Variants in MYBL1 observed in about 807,000 individuals in gnomAD.
MYBL1 encodes the protein myb-related protein A.
A neutral mutation model predicts 96.3 loss-of-function variants in MYBL1; 17 were observed. The ratio of observed to expected loss-of-function variants is 0.18; its 90% confidence interval spans 0.12 to 0.26. MYBL1 has a LOEUF of 0.26. MYBL1 is among the 10% of genes least tolerant of loss of function. The pLI, the probability that MYBL1 is intolerant of heterozygous loss-of-function variation, is 1.00. For missense variants in MYBL1, 701 were observed against 882.9 expected, an observed-to-expected ratio of 0.79 and a Z score of 2.61; for synonymous variants, 282 against 292.7, an observed-to-expected ratio of 0.96 and a Z score of 0.37.
intron 4 of MYBL1, among the ~76,000 whole-genome samples, chr8:66,597,952 C>G: frequency 6.6e-6 from 1 of 150,916 alleles, no homozygotes; most frequent in East Asian, 1.9e-4. Context: ...GTCATTTCTT[C>G]CTTTCTCAAA....
chr8:66,600,549 A>C (rs1017996647), intron 3 of MYBL1, among the ~76,000 whole-genome samples: 3 of 152,234 alleles, frequency 2.0e-5, no homozygotes, highest in African/African-American at 7.2e-5. Flanking sequence ...TGTGCCAAAC[A>C]TCCTATATGT....
chr8:66,584,280 A>G (rs939455707), intron 8 of MYBL1, among the ~76,000 whole-genome samples: 63 of 152,218 alleles, frequency 4.1e-4, no homozygotes, highest in African/African-American at 1.5e-3. Flanking sequence ...GAACAAGGAA[A>G]AGTTGAAAGC....
At chr8:66,578,962 C>G (rs1407630644) in intron 9 of MYBL1, among the ~76,000 whole-genome samples, 1 of 152,066 alleles carries the variant, frequency 6.6e-6, no homozygotes, top group Non-Finnish European at 1.5e-5. Flanking sequence ...TCATCATTCT[C>G]AGTAAACTAT....
At chr8:66,574,647 C>A (rs1365739645) in intron 10 of MYBL1, among the ~76,000 whole-genome samples, 3 of 152,258 alleles carry the variant, frequency 2.0e-5, no homozygotes, top group Non-Finnish European at 2.9e-5. Flanking sequence ...CAAACACTTT[C>A]AGAAAACATC....
chr8:66,595,673 T>C lies in MYBL1; in HGVS notation c.597A>G (p.Lys199=). ...EQEGYLQDGI[K]SERSSSKLQH... is the part of the protein sequence containing the mutation. ...GAAGTTTAGATGAAGATCGTTCTGATTTTATTCCATCTTGTAAATAGCCCT... is the reference window on the plus strand; with the variant it reads ...GAAGTTTAGATGAAGATCGTTCTGACTTTATTCCATCTTGTAAATAGCCCT... Residue 199 remains lysine (K), a synonymous_variant, in exon 6 of 16, where the codon AAA becomes AAG. Coordinates refer to ENST00000522677, the MANE Select transcript of MYBL1 (RefSeq NM_001080416.4). 1 of 1,585,674 alleles carries C rather than the reference T, an allele frequency of 6.3e-7. No individual in the cohort carries two copies. The highest frequency in any genetic ancestry group is 1.2e-5 in the South Asian group (1 of 86,918).
At chr8:66,605,351 T>C (rs1220468586) in intron 1 of MYBL1, among the ~76,000 whole-genome samples, 2 of 151,798 alleles carry the variant, frequency 1.3e-5, no homozygotes, top group Admixed American at 1.3e-4. Context: ...AGGTCTAGGG[T>C]AGAGATGCAG....
Position 66,573,631 on chromosome 8 carries a change from C to T in MYBL1, c.1471-125G>A, listed in dbSNP as rs1470621613. 7.5e-6 allele frequency: 6 copies of T among 802,382 alleles called. No individual in the cohort carries two copies. The East Asian group carries it at 1.6e-4, about 21-fold the overall frequency. 49.7% of individuals were successfully genotyped at this position (802,382 alleles called of 1,614,324 possible). A position where few individuals can be genotyped will look rare whatever the true frequency, so the allele number is the denominator to read the frequency against. ...TAAAAAAAGCTTATGAATAATATTA[C>T]ACTTATACTCCATGGAAATTATGCT... On this transcript the variant is annotated intron_variant, in intron 10 of 15. Coordinates refer to ENST00000522677, the MANE Select transcript of MYBL1 (RefSeq NM_001080416.4).
chr8:66,575,990 A>G lies in MYBL1; in HGVS notation c.1470+17T>C. 1.3e-6 allele frequency: 2 copies of G among 1,593,786 alleles called. No individual in the cohort carries two copies. The highest frequency in any genetic ancestry group is 1.7e-6 in the Non-Finnish European group (2 of 1,168,402). On this transcript the variant is annotated intron_variant, in intron 10 of 15. Coordinates refer to ENST00000522677, the MANE Select transcript of MYBL1 (RefSeq NM_001080416.4). ...CTCATTGACATTTAGAAACATAAAC[A>G]AAATGAACACCACTACCTGTGAAGG...
chr8:66,581,349 A>T (rs1322411219), intron 8 of MYBL1, among the ~76,000 whole-genome samples: 4 of 152,238 alleles, frequency 2.6e-5, no homozygotes, highest in Non-Finnish European at 5.9e-5. Context: ...TTTGTGACTT[A>T]CAAATTGTCA....
At chr8:66,571,832 TGAGCCACTGCACTCCATCCTGGTGACA>T (rs1227134807) in intron 12 of MYBL1, among the ~76,000 whole-genome samples, 1 of 147,780 alleles carries the variant, frequency 6.8e-6, no homozygotes, top group African/African-American at 2.5e-5. Context: ...GAGCCAAGAA[TGAGCCACTGCACTCCATCCTGGTGACA>T]GAGCAAGACT....
chr8:66,563,970 T>G lies in MYBL1; in HGVS notation c.*727A>C, dbSNP rs1258735304. On this transcript the variant is annotated 3_prime_UTR_variant, in exon 16 of 16. Transcript: ENST00000522677. The stretch of plus-strand genomic sequence containing the variant: ...TTAAGCTTTAAAAATAAAAATAAAT[T>G]ATAAAAACAGACTTCTTTCCAATTT... The G allele has an allele frequency of 6.6e-6, 1 of 152,410 alleles. No individual in the cohort carries two copies. The highest frequency in any genetic ancestry group is 1.5e-5 in the Non-Finnish European group (1 of 67,918). The allele number at this position is 152,410 out of a possible 1,614,324, so 9.4% of individuals were successfully genotyped here. A position where few individuals can be genotyped will look rare whatever the true frequency, so the allele number is the denominator to read the frequency against.
chr8:66,564,894 T>C, intron 15 of MYBL1, 69 bp from the exon 16 acceptor site: 1 of 1,037,578 alleles, frequency 9.6e-7, no homozygotes, highest in Non-Finnish European at 1.3e-6. Context: ...ATTAGACTCT[T>C]AAAGTCAGTT....
intron 9 of MYBL1, among the ~76,000 whole-genome samples, chr8:66,578,084 A>G (rs1160785052): frequency 4.0e-5 from 6 of 151,782 alleles, no homozygotes; most frequent in Admixed American, 6.6e-5. Flanking sequence ...TTAATTCAAG[A>G]TGGATTAAAG....
At chr8:66,595,825 G>C (rs907320001) in intron 5 of MYBL1, 68 bp from the exon 6 acceptor site, 2 of 1,063,710 alleles carry the variant, frequency 1.9e-6, no homozygotes, top group African/African-American at 3.3e-5. Context: ...GTGTTAACTT[G>C]TACAAAGTGC....
intron 8 of MYBL1, among the ~76,000 whole-genome samples, chr8:66,589,660 T>G (rs1279860536): frequency 1.3e-5 from 2 of 152,076 alleles, no homozygotes; most frequent in African/African-American, 4.8e-5. Flanking sequence ...CTTTTTAAAT[T>G]TTTTGTAGAG....
At chr8:66,593,367 G>A (rs1170965899) in intron 6 of MYBL1, among the ~76,000 whole-genome samples, 173 bp from the exon 7 acceptor site, 2 of 152,108 alleles carry the variant, frequency 1.3e-5, no homozygotes, top group African/African-American at 4.8e-5. Context: ...AATAACTACA[G>A]CTCCACTCCT....
chr8:66,612,745 G>C (rs1324907711), intron 1 of MYBL1, 74 bp downstream of exon 1: 39 of 1,313,870 alleles, frequency 3.0e-5, no homozygotes, highest in Non-Finnish European at 3.8e-5. Flanking sequence ...ATGGCGGGAG[G>C]GGGCAGCGGG....
intron 8 of MYBL1, among the ~76,000 whole-genome samples, chr8:66,588,343 G>T (rs113967127): frequency 1.4e-5 from 2 of 145,100 alleles, no homozygotes; most frequent in East Asian, 4.1e-4. Flanking sequence ...GCACTAGCCC[G>T]ATCTCAGCTC....
In MYBL1 at chr8:66,566,889, C is replaced by G. The variant is rs778806240; in HGVS notation, c.1832G>C (p.Ser611Thr). 1.4e-5 allele frequency: 23 copies of G among 1,611,498 alleles called. No individual in the cohort carries two copies. The Admixed American group carries it at 2.3e-4, about 16-fold the overall frequency. Reference protein sequence around the residue: ...LKEEDEPAYKSCKQENTASGK... With the variant: ...LKEEDEPAYKTCKQENTASGK... ...CTAGAAGATTACCTCTTGTTTGCAG[C>G]TTTTGTAAGCAGGTTCATCTTCCTC... The change falls in exon 13 of 16, where the codon AGC becomes ACC. Residue 611 changes from serine to threonine, a missense_variant. Coordinates refer to ENST00000522677, the MANE Select transcript of MYBL1 (RefSeq NM_001080416.4).
Sources: gnomAD v4.1 joint callset for allele counts (sites outside exome capture counted in the v4.1 genomes callset) on GRCh38, gnomAD v4.1.1 for gene constraint, MANE v1.5 for transcripts, NCBI Gene and HGNC (gene_info 2026-07-23, HGNC 2026-07-21) for gene names.